Variants in EXOC6 observed in about 807,000 individuals in gnomAD.
The protein encoded by EXOC6 is exocyst complex component 6.
EXOC6 carries 60 observed loss-of-function variants against 112.5 expected under a neutral mutation model. The ratio of observed to expected loss-of-function variants is 0.53; its 90% confidence interval spans 0.43 to 0.66. EXOC6 has a LOEUF of 0.66. Among genes scored for constraint, EXOC6 ranks in the 30% least tolerant of loss-of-function variants. EXOC6 has a pLI of 0.00. For missense variants in EXOC6, 855 were observed against 957.1 expected (o/e 0.89, Z 1.41); for synonymous variants, 295 against 308.0 (o/e 0.96, Z 0.44).
chr10:92,836,808 A>G (rs934328576), intron 1 of EXOC6, among the ~76,000 whole-genome samples: 1 of 152,172 alleles, frequency 6.6e-6, no homozygotes, highest in East Asian at 1.9e-4. Flanking sequence ...ATGTGGCCAA[A>G]TACGAGGGTT....
At chr10:93,058,027 A>G (rs1201656767) in intron 21 of EXOC6, among the ~76,000 whole-genome samples, 196 bp from the exon 22 acceptor site, 2 of 152,212 alleles carry the variant, frequency 1.3e-5, no homozygotes, top group African/African-American at 4.8e-5. Flanking sequence ...CTTAACATAG[A>G]ATGTAAAATA....
chr10:92,951,425 A>G (rs1022321598), intron 14 of EXOC6, among the ~76,000 whole-genome samples: 2 of 152,192 alleles, frequency 1.3e-5, no homozygotes, highest in African/African-American at 4.8e-5. Flanking sequence ...AATCCAAGGA[A>G]GGAGAGATCA....
intron 20 of EXOC6, among the ~76,000 whole-genome samples, chr10:93,055,572 T>C (rs1305902832): frequency 1.3e-5 from 2 of 152,186 alleles, no homozygotes; most frequent in Non-Finnish European, 2.9e-5. Context: ...CTTTTCCTCT[T>C]TGTGAAAGGA....
chr10:92,844,151 G>GA (rs60056645), upstream of EXOC6, among the ~76,000 whole-genome samples: 91,286 of 131,896 alleles, frequency 0.69, 31,338 homozygotes, highest in Middle Eastern at 0.75. Flanking sequence ...CTGTGTCTCA[G>GA]AAAAAAAAAA....
rs988470582 is a variant in EXOC6 at position 92,928,510 on chromosome 10, C to G, written c.972+88C>G. ...TTTCTTCAAAGCATGTATCACTGTT[C>G]ATTCAACTACAAATATTTATTGAAC... On this transcript the variant is annotated intron_variant, in intron 9 of 21. Transcript: ENST00000260762. 4 of 738,332 alleles carry G rather than the reference C, an allele frequency of 5.4e-6. No individual in the cohort carries two copies. The African/African-American group carries it at 7.1e-5, about 13-fold the overall frequency. 45.7% of individuals were successfully genotyped at this position (738,332 alleles called of 1,614,324 possible). A position where few individuals can be genotyped will look rare whatever the true frequency, so the allele number is the denominator to read the frequency against.
intron 17 of EXOC6, among the ~76,000 whole-genome samples, chr10:92,973,533 G>A (rs1842377866): frequency 6.6e-6 from 1 of 152,172 alleles, no homozygotes; most frequent in South Asian, 2.1e-4. Flanking sequence ...TCCTCCCGCT[G>A]TTATTTTTGC....
chr10:92,882,593 G>A (rs1046440246), intron 1 of EXOC6, among the ~76,000 whole-genome samples: 1 of 149,510 alleles, frequency 6.7e-6, no homozygotes, highest in Admixed American at 6.7e-5. Context: ...GCTATTTGTT[G>A]TTTAAAAGAA....
chr10:93,053,921 C>G (rs1002516388), intron 20 of EXOC6, among the ~76,000 whole-genome samples: 5 of 152,346 alleles, frequency 3.3e-5, no homozygotes, highest in South Asian at 2.1e-4. Flanking sequence ...CATCTTTGCT[C>G]TCTGCCCATG....
chr10:92,839,827 G>T (rs1846779994), intron 1 of EXOC6, among the ~76,000 whole-genome samples: 1 of 151,986 alleles, frequency 6.6e-6, no homozygotes, highest in Non-Finnish European at 1.5e-5. Flanking sequence ...GTTAGTGGGA[G>T]GTAGAAAGGT....
At chr10:92,982,207 A>AT (rs796862143) in intron 18 of EXOC6, among the ~76,000 whole-genome samples, 6 of 152,266 alleles carry the variant, frequency 3.9e-5, no homozygotes, top group African/African-American at 1.4e-4. Context: ...AATTTGGGGT[A>AT]TTTTTCAAGA....
intron 1 of EXOC6, among the ~76,000 whole-genome samples, chr10:92,879,924 A>AT (rs528260723): frequency 6.6e-5 from 10 of 152,120 alleles, no homozygotes; most frequent in Admixed American, 3.9e-4. Context: ...CTGTTCTGCT[A>AT]TTTTTTTTAA....
chr10:92,930,396 G>A (rs1196253953), intron 9 of EXOC6, among the ~76,000 whole-genome samples: 2 of 152,026 alleles, frequency 1.3e-5, no homozygotes, highest in African/African-American at 2.4e-5. Context: ...CCAGCTGCTC[G>A]GGAGGCTGAG....
rs1256271745 is a variant in EXOC6 at position 92,934,157 on chromosome 10, A to T, written c.986A>T (p.Asp329Val). 27 of 1,538,118 alleles carry T rather than the reference A, an allele frequency of 1.8e-5. No individual in the cohort carries two copies. The highest frequency in any genetic ancestry group is 2.3e-5 in the Non-Finnish European group (26 of 1,121,236). The change falls in exon 10 of 22, where the codon GAT becomes GTT. Residue 329 changes from aspartate (D) to valine (V), a missense_variant. Asp to Val is a radical substitution (Grantham distance 152). This residue lies in a region of EXOC6 where 450 missense variants were observed against 563.5 expected (regional missense o/e 0.80). Transcript: ENST00000260762. ...TTTCATTTTAAGCATGAAACAGTTG[A>T]TGGCTATAGAAGATATTTCACTCAA... ...QPQSNMHETV[D>V]GYRRYFTQIV...
chr10:92,848,847 C>T (rs1847178141), intron 1 of EXOC6, among the ~76,000 whole-genome samples: 1 of 152,040 alleles, frequency 6.6e-6, no homozygotes, highest in Non-Finnish European at 1.5e-5. Flanking sequence ...GGCCTGCCTC[C>T]ACCGCTGTAG....
At chr10:92,913,286 A>C (rs1194151306) in intron 6 of EXOC6, among the ~76,000 whole-genome samples, 1 of 152,122 alleles carries the variant, frequency 6.6e-6, no homozygotes, top group Non-Finnish European at 1.5e-5. Context: ...TCTGCTTCTA[A>C]ATACCTGTAG....
At chr10:92,901,414 C>A (rs1007877157) in intron 5 of EXOC6, 3 of 151,658 alleles carry the variant, frequency 2.0e-5, no homozygotes, top group Non-Finnish European at 2.9e-5. Context: ...CCACCACCAC[C>A]TTTTTTCTTT....
intron 6 of EXOC6, among the ~76,000 whole-genome samples, chr10:92,913,249 A>G (rs1019044900): frequency 6.6e-6 from 1 of 152,176 alleles, no homozygotes; most frequent in African/African-American, 2.4e-5. Context: ...GTTATTTGTT[A>G]CTAAGTCCTA....
At chr10:93,052,901 C>A (rs941946696) in intron 20 of EXOC6, among the ~76,000 whole-genome samples, 1 of 152,090 alleles carries the variant, frequency 6.6e-6, no homozygotes, top group African/African-American at 2.4e-5. Context: ...AATAAATACA[C>A]CTGTTGAGAC....
intron 18 of EXOC6, among the ~76,000 whole-genome samples, chr10:92,986,896 A>C (rs766045491): frequency 6.6e-6 from 1 of 152,096 alleles, no homozygotes; most frequent in Non-Finnish European, 1.5e-5. Flanking sequence ...ATGTATTTAA[A>C]TTGAGACCAG....
Sources: gnomAD v4.1 joint callset for allele counts (sites outside exome capture counted in the v4.1 genomes callset) on GRCh38, gnomAD v4.1.1 for gene constraint, gnomAD v4.1.1 regional missense constraint, MANE v1.5 for transcripts, NCBI Gene and HGNC (gene_info 2026-07-23, HGNC 2026-07-21) for gene names.